The following MTNAP1 variants were observed in gnomAD, a reference collection of about 807,000 sequenced individuals.
MTNAP1 encodes the protein mitochondrial nucleoid-associated protein 1.
chr17:73,248,607 G>T, the MTNAP1 span: 2 of 1,440,938 alleles, frequency 1.4e-6, no homozygotes, highest in East Asian at 2.5e-5. Context: ...CATCCATCCC[G>T]CAGAAGAGGC....
the MTNAP1 span, chr17:73,236,677 G>C: frequency 6.2e-7 from 1 of 1,614,168 alleles, no homozygotes; most frequent in South Asian, 1.1e-5. Flanking sequence ...TTGTGTCCCT[G>C]ATGTAAAGGC....
chr17:73,232,739 G>A, the MTNAP1 span: 2 of 167,192 alleles, frequency 1.2e-5, no homozygotes, highest in East Asian at 1.7e-4. Context: ...GCTCTGTGGG[G>A]AGCTTGCAAG....
At chr17:73,233,093 G>A in the MTNAP1 span, 2 of 152,402 alleles carry the variant, frequency 1.3e-5, no homozygotes, top group Non-Finnish European at 2.9e-5. Flanking sequence ...TCCTCCTTGA[G>A]CCCGGAGGCT....
chr17:73,248,358 G>T, the MTNAP1 span: 1 of 786,704 alleles, frequency 1.3e-6, no homozygotes, highest in Non-Finnish European at 2.1e-6. Context: ...GAAAAAGAAC[G>T]TCTCTAACAT....
the MTNAP1 span, among the ~76,000 whole-genome samples, chr17:73,242,048 C>A: frequency 6.6e-6 from 1 of 152,214 alleles, no homozygotes; most frequent in Admixed American, 6.5e-5. Flanking sequence ...GTCCCTTGGC[C>A]TTTTGAAAAA....
At chr17:73,241,221 G>A in the MTNAP1 span, among the ~76,000 whole-genome samples, 3 of 152,144 alleles carry the variant, frequency 2.0e-5, no homozygotes, top group South Asian at 4.2e-4. Context: ...GCAGTGTAGC[G>A]ATCTCTGCTC....
the MTNAP1 span, among the ~76,000 whole-genome samples, chr17:73,243,462 G>C: frequency 1.3e-5 from 2 of 151,676 alleles, no homozygotes; most frequent in Non-Finnish European, 2.9e-5. Context: ...CAGGCTCCGG[G>C]GTTTTATTAG....
the MTNAP1 span, chr17:73,236,255 T>C: frequency 6.2e-7 from 1 of 1,614,078 alleles, no homozygotes; most frequent in Non-Finnish European, 8.5e-7. Context: ...AGGGATCACC[T>C]CTCAGGAGTC....
the MTNAP1 span, chr17:73,235,941 CAA>C: frequency 6.2e-7 from 1 of 1,614,036 alleles, no homozygotes; most frequent in Non-Finnish European, 8.5e-7. Flanking sequence ...GAGAACTTGC[CAA>C]AGATTTGCCT....
chr17:73,245,104 A>G, the MTNAP1 span: 1 of 1,498,624 alleles, frequency 6.7e-7, no homozygotes. Context: ...GTAGAGGCAA[A>G]AGATAGTAAC....
At chr17:73,236,079 T>C in the MTNAP1 span, 3 of 1,614,180 alleles carry the variant, frequency 1.9e-6, no homozygotes, top group African/African-American at 1.3e-5. Context: ...ATGTACAAAC[T>C]ACCTCTGGTG....
the MTNAP1 span, chr17:73,235,919 C>T: frequency 6.2e-7 from 1 of 1,614,162 alleles, no homozygotes; most frequent in Non-Finnish European, 8.5e-7. Context: ...TCAGAGAAAA[C>T]CTCTCCTAAA....
At chr17:73,246,554 T>C in the MTNAP1 span, among the ~76,000 whole-genome samples, 2 of 152,064 alleles carry the variant, frequency 1.3e-5, no homozygotes, top group African/African-American at 2.4e-5. Flanking sequence ...CCAAAAAACC[T>C]ACAGGAAAGC....
At chr17:73,233,308 C>A in the MTNAP1 span, 1 of 152,358 alleles carries the variant, frequency 6.6e-6, no homozygotes, top group African/African-American at 2.4e-5. Context: ...AAACTAGCAT[C>A]CTCCTGGAGG....
the MTNAP1 span, among the ~76,000 whole-genome samples, chr17:73,234,064 ATAT>A: frequency 1.3e-5 from 2 of 152,134 alleles, no homozygotes; most frequent in African/African-American, 2.4e-5. Context: ...TAGTCAGAAG[ATAT>A]TATCAGTTGT....
At chr17:73,242,937 G>C in the MTNAP1 span, 1 of 1,613,936 alleles carries the variant, frequency 6.2e-7, no homozygotes, top group Non-Finnish European at 8.5e-7. Flanking sequence ...GAGTGGATTC[G>C]GTGGCATCAC....
the MTNAP1 span, chr17:73,236,907 A>G: frequency 6.2e-7 from 1 of 1,613,926 alleles, no homozygotes; most frequent in Non-Finnish European, 8.5e-7. Flanking sequence ...ACCTTGGACT[A>G]GGGGTGTTGC....
At chr17:73,240,263 C>A in the MTNAP1 span, among the ~76,000 whole-genome samples, 1 of 152,124 alleles carries the variant, frequency 6.6e-6, no homozygotes, top group East Asian at 1.9e-4. Flanking sequence ...AAATGTTGTA[C>A]TTAGTTTGGG....
chr17:73,244,790 A>G, the MTNAP1 span: 1 of 169,734 alleles, frequency 5.9e-6, no homozygotes, highest in South Asian at 1.6e-4. Context: ...GTCCGACAGC[A>G]GGAACAAGGC....
Sources: gnomAD v4.1 joint callset for allele counts (sites outside exome capture counted in the v4.1 genomes callset) on GRCh38, gnomAD v4.1.1 for gene constraint, MANE v1.5 for transcripts, NCBI Gene and HGNC (gene_info 2026-07-23, HGNC 2026-07-21) for gene names.